FCHO2: variants seen among roughly 807,000 people sequenced by gnomAD.
The protein encoded by FCHO2 is F-BAR domain only protein 2.
A neutral mutation model predicts 114.1 loss-of-function variants in FCHO2; 43 were observed. The ratio of observed to expected loss-of-function variants is 0.38; its 90% CI spans 0.30 to 0.49. FCHO2 has a LOEUF of 0.49. FCHO2 is among the 20% of genes least tolerant of loss of function. The pLI, the probability that FCHO2 is intolerant of heterozygous loss-of-function variation, is 0.97. For missense variants in FCHO2, 807 were observed against 950.4 expected, an observed-to-expected ratio of 0.85 and a Z score of 1.98; for synonymous variants, 293 against 315.2, an observed-to-expected ratio of 0.93 and a Z score of 0.75.
intron 8 of FCHO2, chr5:73,020,766 G>A: frequency 9.4e-7 from 1 of 1,062,636 alleles, no homozygotes; most frequent in South Asian, 1.3e-5. Context: ...CAAATTCTGT[G>A]AGAGATATGG....
chr5:73,081,715 CCATGTCATTAA>C, intron 22 of FCHO2, 57 bp from the exon 23 acceptor site: 1 of 1,160,846 alleles, frequency 8.6e-7, no homozygotes, highest in Non-Finnish European at 1.2e-6. Flanking sequence ...GTTCAAGTGT[CCATGTCATTAA>C]CATGACTTCT....
intron 2 of FCHO2, among the ~76,000 whole-genome samples, chr5:72,987,457 C>G (rs1036444076): frequency 6.6e-6 from 1 of 152,158 alleles, no homozygotes; most frequent in Non-Finnish European, 1.5e-5. Flanking sequence ...CCTGCCTCAG[C>G]CTTCCAAGTA....
At chr5:72,984,526 A>C (rs1372249308) in intron 2 of FCHO2, among the ~76,000 whole-genome samples, 4 of 152,194 alleles carry the variant, frequency 2.6e-5, no homozygotes, top group Non-Finnish European at 5.9e-5. Context: ...TCTTTATAGG[A>C]AAGTTTTAAA....
intron 9 of FCHO2, among the ~76,000 whole-genome samples, chr5:73,036,481 C>T (rs999851058): frequency 2.0e-5 from 3 of 151,980 alleles, no homozygotes; most frequent in Non-Finnish European, 2.9e-5. Context: ...TCAAGCAATC[C>T]TCTCACCCCA....
At chr5:73,051,267 A>C in intron 11 of FCHO2, 82 bp from the exon 12 acceptor site, 1 of 933,050 alleles carries the variant, frequency 1.1e-6, no homozygotes, top group East Asian at 2.8e-5. Flanking sequence ...GTTCCTAAGT[A>C]ATACCTGAGG....
chr5:73,000,363 C>T (rs940475761), intron 5 of FCHO2, among the ~76,000 whole-genome samples: 3 of 150,990 alleles, frequency 2.0e-5, no homozygotes, highest in Non-Finnish European at 4.4e-5. Flanking sequence ...CCCAGCTACT[C>T]AGGAGGCTGA....
chr5:72,988,244 C>T (rs567259051), intron 2 of FCHO2, among the ~76,000 whole-genome samples: 2 of 152,172 alleles, frequency 1.3e-5, no homozygotes, highest in Non-Finnish European at 2.9e-5. Context: ...TTGAGACCAG[C>T]CTGACCAATA....
At chr5:72,981,165 C>A (rs1195942197) in intron 2 of FCHO2, among the ~76,000 whole-genome samples, 1 of 152,046 alleles carries the variant, frequency 6.6e-6, no homozygotes, top group Non-Finnish European at 1.5e-5. Flanking sequence ...TCAGCATTTG[C>A]TTGTCTGTAA....
intron 9 of FCHO2, among the ~76,000 whole-genome samples, chr5:73,036,050 T>C (rs2112797134): frequency 6.6e-6 from 1 of 152,278 alleles, no homozygotes; most frequent in South Asian, 2.1e-4. Flanking sequence ...TTCACCATGT[T>C]GGCCAGGCTG....
chr5:73,034,779 G>A, intron 9 of FCHO2, 78 bp downstream of exon 9: 1 of 1,194,650 alleles, frequency 8.4e-7, no homozygotes, highest in South Asian at 1.7e-5. Flanking sequence ...AATAAGGAGG[G>A]ACTGCTATCC....
chr5:72,961,912 A>G (rs1190082570), intron 1 of FCHO2, among the ~76,000 whole-genome samples: 3 of 152,120 alleles, frequency 2.0e-5, no homozygotes, highest in South Asian at 2.1e-4. Context: ...AATTTCTTAT[A>G]TGGTTTTCCA....
intron 5 of FCHO2, among the ~76,000 whole-genome samples, chr5:73,004,477 T>A (rs1230376990): frequency 6.6e-6 from 1 of 152,210 alleles, no homozygotes; most frequent in African/African-American, 2.4e-5. Context: ...AACTCGGATA[T>A]ATCTTTATAT....
At chr5:73,075,532 T>C (rs1462047131) in intron 20 of FCHO2, among the ~76,000 whole-genome samples, 2 of 152,062 alleles carry the variant, frequency 1.3e-5, no homozygotes, top group Non-Finnish European at 2.9e-5. Flanking sequence ...GATAAAGAAT[T>C]TGGAATTTAT....
chr5:73,037,848 C>G (rs746406260), intron 10 of FCHO2: 16 of 348,308 alleles, frequency 4.6e-5, no homozygotes, highest in Non-Finnish European at 7.5e-5. Context: ...TCTCCACCTC[C>G]CAGGTTCAAG....
chr5:72,986,118 C>CT (rs951574077), intron 2 of FCHO2, among the ~76,000 whole-genome samples: 7 of 151,240 alleles, frequency 4.6e-5, no homozygotes, highest in Non-Finnish European at 2.9e-5. Flanking sequence ...TTAAATTTTC[C>CT]TTTTTTTTCT....
At chr5:73,053,653 A>G (rs182284258) in intron 13 of FCHO2, among the ~76,000 whole-genome samples, 470 of 151,126 alleles carry the variant, frequency 3.1e-3, no homozygotes, top group African/African-American at 0.011. Flanking sequence ...CCGAGATTGC[A>G]CCACTGCACT....
chr5:72,981,806 A>G (rs1448713689), intron 2 of FCHO2, among the ~76,000 whole-genome samples: 3 of 152,122 alleles, frequency 2.0e-5, no homozygotes, highest in Admixed American at 6.5e-5. Context: ...CAGGTCATCT[A>G]TGTTCTTCTC....
intron 3 of FCHO2, among the ~76,000 whole-genome samples, 188 bp downstream of exon 3, chr5:72,989,689 A>G (rs1753721926): frequency 6.6e-6 from 1 of 152,210 alleles, no homozygotes; most frequent in African/African-American, 2.4e-5. Flanking sequence ...CAGTCAATGC[A>G]GTCAAAACTA....
In FCHO2 at chr5:73,052,241, T is replaced by C. The variant is rs150076621; in HGVS notation, c.998-91T>C. The C allele has an allele frequency of 1.1e-4, 150 of 1,304,386 alleles. 1 individual carries two copies. The African/African-American group carries it at 2.1e-3, about 18-fold the overall frequency. 80.8% of individuals were successfully genotyped at this position (1,304,386 alleles called of 1,614,324 possible). On this transcript the variant is annotated intron_variant, in intron 12 of 25. Transcript: ENST00000430046. The stretch of plus-strand genomic sequence containing the variant: ...CCCGGCCCAAAGTCTGTGTAACTCT[T>C]AAAGGTTTCATTCCTTTTTTAAAAT...
Sources: allele counts gnomAD v4.1 joint callset (sites outside exome capture counted in the v4.1 genomes callset), GRCh38; gene constraint gnomAD v4.1.1; transcripts MANE v1.5; gene names NCBI Gene and HGNC (gene_info 2026-07-23, HGNC 2026-07-21).